The following ARRB1 variants were observed in gnomAD, a reference collection of about 807,000 sequenced individuals.
ARRB1 encodes the protein beta-arrestin-1.
ARRB1 carries 21 observed loss-of-function variants against 56.8 expected under a neutral mutation model. That is an observed-to-expected ratio of 0.37 (90% CI 0.26 to 0.53). The LOEUF is 0.53. Among genes scored for constraint, ARRB1 ranks in the 20% least tolerant of loss-of-function variants. ARRB1 has a pLI of 0.88. For missense variants in ARRB1, 424 were observed against 553.7 expected, an observed-to-expected ratio of 0.77 and a Z score of 2.35; for synonymous variants, 210 against 218.6, an observed-to-expected ratio of 0.96 and a Z score of 0.35.
chr11:75,309,085 C>T (rs1255973703), intron 1 of ARRB1, among the ~76,000 whole-genome samples: 3 of 152,264 alleles, frequency 2.0e-5, no homozygotes, highest in Non-Finnish European at 4.4e-5. Context: ...CGCCTGGCGG[C>T]CCCAAAGCCC....
chr11:75,287,329 A>T lies in ARRB1; in HGVS notation c.98T>A (p.Leu33His). The T allele has an allele frequency of 6.4e-7, 1 of 1,557,674 alleles. No homozygotes were observed. Among genetic ancestry groups the T allele is most frequent in the Non-Finnish European group, 8.7e-7 (1 of 1,150,286 alleles). The part of the protein sequence containing the change: ...GKRDFVDHID[L>H]VDPVDGVVLV... ...CAGGGACTCACCCACAGGGTCCACG[A>T]GGTCGATGTGGTCCACAAAGTCCCG... The change falls in exon 3 of 16, where the codon CTC becomes CAC. Residue 33 changes from leucine to histidine, a missense_variant. Transcript: ENST00000420843.
chr11:75,287,869 A>C (rs1373224269), intron 2 of ARRB1, among the ~76,000 whole-genome samples: 1 of 151,486 alleles, frequency 6.6e-6, no homozygotes, highest in Non-Finnish European at 1.5e-5. Context: ...TTCTTAAATA[A>C]TTTTTTTTTC....
intron 1 of ARRB1, among the ~76,000 whole-genome samples, chr11:75,303,162 C>T (rs1274578398): frequency 2.0e-5 from 3 of 151,982 alleles, no homozygotes; most frequent in East Asian, 1.9e-4. Context: ...CCACCACACC[C>T]GGCTAATTAT....
At chr11:75,293,352 T>G (rs1946651981) in intron 1 of ARRB1, among the ~76,000 whole-genome samples, 1 of 152,332 alleles carries the variant, frequency 6.6e-6, no homozygotes, top group East Asian at 1.9e-4. Flanking sequence ...CCCGAGCCCA[T>G]GTCCTTTCCA....
Position 75,271,902 on chromosome 11 carries a change from G to A in ARRB1, c.999-178C>T, listed in dbSNP as rs555537326. ...GCTCTTTCAGGGATACACCGAAATG[G>A]CATTAGCCCTGCCCCGAGGGACTGG... On this transcript the variant is annotated intron_variant, in intron 12 of 15. Coordinates refer to ENST00000420843, the MANE Select transcript of ARRB1 (RefSeq NM_004041.5). Among the ~76,000 whole-genome samples, 4 of 152,234 alleles carry A rather than the reference G, an allele frequency of 2.6e-5. No homozygotes were observed. In the South Asian group the frequency reaches 8.3e-4, roughly 32 times the overall value.
At chr11:75,316,018 C>T (rs1947258266) in intron 1 of ARRB1, among the ~76,000 whole-genome samples, 1 of 152,186 alleles carries the variant, frequency 6.6e-6, no homozygotes, top group African/African-American at 2.4e-5. Flanking sequence ...TCTGGAGCCT[C>T]TGCTTCTGGG....
intron 7 of ARRB1, among the ~76,000 whole-genome samples, chr11:75,279,283 T>C (rs1946273316): frequency 6.6e-6 from 1 of 151,894 alleles, no homozygotes. Context: ...AAATGGGGCT[T>C]GGGGAGGCGT....
intron 14 of ARRB1, among the ~76,000 whole-genome samples, chr11:75,268,679 C>T (rs908861142): frequency 4.6e-5 from 7 of 152,180 alleles, no homozygotes; most frequent in African/African-American, 1.4e-4. Context: ...TTCTCCACTC[C>T]TGGCCTCCCT....
At chr11:75,339,047 C>G (rs1232204097) in intron 1 of ARRB1, among the ~76,000 whole-genome samples, 5 of 152,368 alleles carry the variant, frequency 3.3e-5, no homozygotes, top group African/African-American at 9.6e-5. Flanking sequence ...CTCCTCTCCA[C>G]CACTCCACGT....
At chr11:75,302,286 G>A (rs542658160) in intron 1 of ARRB1, among the ~76,000 whole-genome samples, 1 of 152,212 alleles carries the variant, frequency 6.6e-6, no homozygotes, top group Non-Finnish European at 1.5e-5. Flanking sequence ...GCCTCCTGCC[G>A]CATTCACGGG....
intron 1 of ARRB1, among the ~76,000 whole-genome samples, chr11:75,314,802 T>G (rs942553182): frequency 3.3e-5 from 5 of 151,466 alleles, no homozygotes; most frequent in African/African-American, 1.2e-4. Context: ...CGATGGGGTT[T>G]CACCATGTTG....
chr11:75,322,526 C>A (rs756966430), intron 1 of ARRB1, among the ~76,000 whole-genome samples: 13 of 152,016 alleles, frequency 8.6e-5, no homozygotes, highest in Non-Finnish European at 1.5e-4. Flanking sequence ...ACAACAACAA[C>A]AAAAAACACC....
intron 1 of ARRB1, among the ~76,000 whole-genome samples, chr11:75,349,169 A>C (rs1947812319): frequency 6.6e-6 from 1 of 152,204 alleles, no homozygotes; most frequent in African/African-American, 2.4e-5. Flanking sequence ...AGGGACAGAA[A>C]GGCCTCATGG....
chr11:75,267,726 G>C, intron 14 of ARRB1, 23 bp from the exon 15 acceptor site: 1 of 1,502,590 alleles, frequency 6.7e-7, no homozygotes, highest in Non-Finnish European at 9.2e-7. Context: ...TGGGTGGGCA[G>C]GGTGTCCAGG....
intron 5 of ARRB1, among the ~76,000 whole-genome samples, chr11:75,282,384 G>A (rs1222456928): frequency 1.3e-5 from 2 of 152,226 alleles, no homozygotes; most frequent in African/African-American, 4.8e-5. Context: ...TTGAGATGGG[G>A]ACCGTATCCT....
At chr11:75,306,626 G>A (rs2140473959) in intron 1 of ARRB1, 1 of 1,289,120 alleles carries the variant, frequency 7.8e-7, no homozygotes, top group Non-Finnish European at 1.0e-6. Flanking sequence ...CAAAGCAGTG[G>A]ACTGTGAGGT....
chr11:75,296,695 T>C (rs1946758349), intron 1 of ARRB1, among the ~76,000 whole-genome samples: 1 of 152,138 alleles, frequency 6.6e-6, no homozygotes, highest in Non-Finnish European at 1.5e-5. Context: ...CTTTTTTTTT[T>C]GAGATGGAGT....
At chr11:75,286,037 TG>T (rs1357290616) in intron 3 of ARRB1, among the ~76,000 whole-genome samples, 6 of 151,956 alleles carry the variant, frequency 3.9e-5, no homozygotes, top group Non-Finnish European at 8.8e-5. Context: ...AGGGGAGAAT[TG>T]GGGGTGTTCT....
intron 2 of ARRB1, among the ~76,000 whole-genome samples, chr11:75,288,207 T>C (rs1205143325): frequency 6.6e-6 from 1 of 152,242 alleles, no homozygotes; most frequent in East Asian, 1.9e-4. Context: ...TTATTTATCA[T>C]GTACAACACA....
Sources: allele counts gnomAD v4.1 joint callset (sites outside exome capture counted in the v4.1 genomes callset), GRCh38; gene constraint gnomAD v4.1.1; transcripts MANE v1.5; gene names NCBI Gene and HGNC (gene_info 2026-07-23, HGNC 2026-07-21).